RPTOR: variants seen among roughly 807,000 people sequenced by gnomAD.
The protein encoded by RPTOR is regulatory associated protein of MTOR complex 1.
In RPTOR, 21 loss-of-function variants were observed where a neutral mutation model predicts 169.9. That is an observed-to-expected ratio of 0.12 (90% CI 0.09 to 0.18). RPTOR has a LOEUF of 0.18. Ranked by LOEUF, RPTOR falls within the 10% of genes least tolerant of loss-of-function variation. RPTOR has a pLI of 1.00. For synonymous variants in RPTOR, 732 were observed against 753.2 expected (o/e 0.97, Z 0.46); for missense variants, 1,133 against 1,855.9 (o/e 0.61, Z 7.16).
intron 3 of RPTOR, among the ~76,000 whole-genome samples, chr17:80,662,393 T>C (rs1255103036): frequency 1.3e-5 from 2 of 152,168 alleles, no homozygotes; most frequent in Non-Finnish European, 2.9e-5. Flanking sequence ...GTTTTATTAT[T>C]ACTCAAATCA....
rs1049607518 is a variant in RPTOR, at chr17:80,965,073, C to T, written c.*743C>T. Reference sequence around the variant, plus strand: ...GAGCTGTCAGCAGGGGCCGCTGTGGCGGTGCACAGGGGAGGCAGGTCCTTG... The same window carrying T: ...GAGCTGTCAGCAGGGGCCGCTGTGGTGGTGCACAGGGGAGGCAGGTCCTTG... On this transcript the variant is annotated 3_prime_UTR_variant, in exon 34 of 34. Coordinates refer to ENST00000306801, the MANE Select transcript of RPTOR (RefSeq NM_020761.3). 3.4e-5 allele frequency: 8 copies of T among 233,334 alleles called. No individual in the cohort carries two copies. The highest frequency in any genetic ancestry group is 1.2e-4 in the East Asian group (2 of 16,580). 14.5% of individuals were successfully genotyped at this position (233,334 alleles called of 1,614,324 possible).
At chr17:80,738,221 C>T (rs1205865405) in intron 5 of RPTOR, among the ~76,000 whole-genome samples, 1 of 152,252 alleles carries the variant, frequency 6.6e-6, no homozygotes, top group African/African-American at 2.4e-5. Context: ...TGGCAGGCCT[C>T]AGCCTGTGGA....
chr17:80,750,863 T>G (rs765908706), intron 5 of RPTOR, among the ~76,000 whole-genome samples: 3 of 152,182 alleles, frequency 2.0e-5, no homozygotes, highest in Non-Finnish European at 4.4e-5. Context: ...GTCACCGAAC[T>G]GTACATTTGA....
At chr17:80,943,278 G>A (rs990072350) in intron 25 of RPTOR, among the ~76,000 whole-genome samples, 4 of 152,118 alleles carry the variant, frequency 2.6e-5, no homozygotes, top group Admixed American at 6.5e-5. Context: ...CCCAAGTCGC[G>A]CGGCTTTGAC....
chr17:80,908,755 A>G (rs1301349976), intron 20 of RPTOR, 56 bp from the exon 21 acceptor site: 4 of 1,286,950 alleles, frequency 3.1e-6, no homozygotes, highest in Non-Finnish European at 4.5e-6. Context: ...CAGCCGCCTT[A>G]GGAGCCTCAT....
intron 1 of RPTOR, among the ~76,000 whole-genome samples, chr17:80,573,440 T>A (rs865934260): frequency 2.0e-5 from 3 of 152,176 alleles, no homozygotes; most frequent in Non-Finnish European, 4.4e-5. Context: ...TTTCCCTGAA[T>A]TAAGTTATAT....
chr17:80,766,884 T>TA (rs2143395566), intron 6 of RPTOR, among the ~76,000 whole-genome samples: 1 of 152,162 alleles, frequency 6.6e-6, no homozygotes, highest in African/African-American at 2.4e-5. Context: ...AAAGAAATAA[T>TA]AAAGAGAAGA....
chr17:80,720,953 C>G (rs1000025880), intron 4 of RPTOR, among the ~76,000 whole-genome samples: 1 of 151,168 alleles, frequency 6.6e-6, no homozygotes, highest in Non-Finnish European at 1.5e-5. Flanking sequence ...TGGGGTCACT[C>G]TGCTTCTTAC....
At chr17:80,712,968 T>A (rs1297775213) in intron 4 of RPTOR, among the ~76,000 whole-genome samples, 1 of 152,238 alleles carries the variant, frequency 6.6e-6, no homozygotes, top group Non-Finnish European at 1.5e-5. Flanking sequence ...TCTTCTTTGA[T>A]GAGGTATCTC....
intron 7 of RPTOR, among the ~76,000 whole-genome samples, chr17:80,798,829 G>A (rs2067127146): frequency 6.6e-6 from 1 of 152,234 alleles, no homozygotes; most frequent in Admixed American, 6.5e-5. Context: ...AAACGTTTGT[G>A]CATTATTGGC....
intron 2 of RPTOR, among the ~76,000 whole-genome samples, chr17:80,636,557 C>T (rs1046178590): frequency 2.0e-5 from 3 of 152,164 alleles, no homozygotes; most frequent in Non-Finnish European, 2.9e-5. Context: ...CAGAAGTGTG[C>T]GTCTAGTTCC....
intron 5 of RPTOR, among the ~76,000 whole-genome samples, chr17:80,745,106 C>T (rs1387687701): frequency 2.0e-5 from 3 of 152,240 alleles, no homozygotes; most frequent in Non-Finnish European, 4.4e-5. Context: ...AAGCCTTCCC[C>T]CTAAAAATCA....
intron 3 of RPTOR, among the ~76,000 whole-genome samples, chr17:80,660,030 G>C (rs964493981): frequency 6.6e-6 from 1 of 152,094 alleles, no homozygotes; most frequent in Non-Finnish European, 1.5e-5. Flanking sequence ...CAGCACTTTG[G>C]GAAGCCGAGG....
intron 3 of RPTOR, among the ~76,000 whole-genome samples, chr17:80,655,577 T>A (rs1324360690): frequency 1.1e-5 from 1 of 93,368 alleles, no homozygotes; most frequent in Non-Finnish European, 2.6e-5. Context: ...TAATTTTTAA[T>A]TTTTTTTTTT....
At chr17:80,949,036 A>T (rs893873547) in intron 27 of RPTOR, among the ~76,000 whole-genome samples, 1 of 152,128 alleles carries the variant, frequency 6.6e-6, no homozygotes, top group African/African-American at 2.4e-5. Flanking sequence ...TCCCTGGCAC[A>T]GGCTGGCTCA....
chr17:80,872,219 G>A (rs952617607), intron 13 of RPTOR, among the ~76,000 whole-genome samples: 7 of 152,232 alleles, frequency 4.6e-5, no homozygotes, highest in Non-Finnish European at 8.8e-5. Context: ...TGTCATCAGC[G>A]AGGAGGTGCC....
rs191482482 is a variant in RPTOR, at chr17:80,931,999, A to C, written c.2919+6519A>C. Among the ~76,000 whole-genome samples, 1,372 of 152,244 alleles carry C rather than the reference A, an allele frequency of 9.0e-3. 9 individuals are homozygous for C. Among genetic ancestry groups the C allele is most frequent in the Non-Finnish European group, 0.015 (1,016 of 68,008 alleles). On this transcript the variant is annotated intron_variant, in intron 24 of 33. Coordinates refer to ENST00000306801, the MANE Select transcript of RPTOR (RefSeq NM_020761.3). Reference sequence around the variant, plus strand: ...CCGAAACCCAGGCCCTGCTTGAAGCATGAGGTAGTGTGAGAGGAATCCGAA... The same window carrying C: ...CCGAAACCCAGGCCCTGCTTGAAGCCTGAGGTAGTGTGAGAGGAATCCGAA...
intron 6 of RPTOR, among the ~76,000 whole-genome samples, chr17:80,762,608 A>G (rs2066746873): frequency 6.6e-6 from 1 of 152,392 alleles, no homozygotes; most frequent in East Asian, 1.9e-4. Flanking sequence ...ACAATTGGAA[A>G]TATGAAGAAG....
chr17:80,952,503 C>G (rs570662952), intron 28 of RPTOR, among the ~76,000 whole-genome samples: 2 of 152,226 alleles, frequency 1.3e-5, no homozygotes, highest in South Asian at 2.1e-4. Context: ...CCCCAGCCCC[C>G]ACTCGCCTCT....
Sources: allele counts gnomAD v4.1 joint callset (sites outside exome capture counted in the v4.1 genomes callset), GRCh38; gene constraint gnomAD v4.1.1; transcripts MANE v1.5; gene names NCBI Gene and HGNC (gene_info 2026-07-23, HGNC 2026-07-21).